The following CORO2A variants were observed in gnomAD, a reference collection of about 807,000 sequenced individuals.
The protein encoded by CORO2A is coronin 2A.
A neutral mutation model predicts 62.4 loss-of-function variants in CORO2A; 47 were observed. The observed-to-expected ratio is 0.75, with a 90% CI of 0.60 to 0.96. CORO2A has a LOEUF of 0.96. Ranked by LOEUF, CORO2A falls within the 40% of genes least tolerant of loss-of-function variation. The probability of loss-of-function intolerance (pLI) is 0.00; values close to 1 mark genes in which losing one functional copy is unlikely to be tolerated. For missense variants in CORO2A, 610 were observed against 684.1 expected (o/e 0.89, Z 1.21); for synonymous variants, 273 against 268.9 (o/e 1.02, Z -0.15).
At chr9:98,173,958 A>C (rs3758262) in intron 1 of CORO2A, among the ~76,000 whole-genome samples, 14,831 of 152,074 alleles carry the variant, frequency 0.098, 975 homozygotes, top group East Asian at 0.3. Context: ...CTTTACTAAA[A>C]ATACAAAATT....
At chr9:98,192,022 C>T (rs1237406239) in intron 1 of CORO2A, among the ~76,000 whole-genome samples, 5 of 152,238 alleles carry the variant, frequency 3.3e-5, no homozygotes, top group Non-Finnish European at 7.3e-5. Context: ...ACCCTCTTGG[C>T]GGGCCGGCTG....
At chr9:98,137,752 AC>A in intron 2 of CORO2A, 64 bp from the exon 3 acceptor site, 1 of 1,209,232 alleles carries the variant, frequency 8.3e-7, no homozygotes. Flanking sequence ...CTGGACAGTC[AC>A]ATAGTCAGTT....
chr9:98,155,964 C>T (rs1288975326), intron 2 of CORO2A, among the ~76,000 whole-genome samples: 2 of 151,762 alleles, frequency 1.3e-5, no homozygotes, highest in Non-Finnish European at 2.9e-5. Flanking sequence ...CTAATGTATC[C>T]TTATATTCTC....
intron 1 of CORO2A, among the ~76,000 whole-genome samples, chr9:98,187,670 C>T (rs74787267): frequency 0.078 from 11,891 of 151,996 alleles, 685 homozygotes; most frequent in Non-Finnish European, 0.12. Flanking sequence ...AACACTAATC[C>T]CATTATGAGG....
At chr9:98,144,289 T>C (rs1827612887) in intron 2 of CORO2A, among the ~76,000 whole-genome samples, 2 of 152,194 alleles carry the variant, frequency 1.3e-5, no homozygotes. Flanking sequence ...ATATTTGATT[T>C]ACCTCCCAAC....
chr9:98,126,226 G>T (rs1827316533), intron 11 of CORO2A, among the ~76,000 whole-genome samples: 1 of 151,504 alleles, frequency 6.6e-6, no homozygotes, highest in Non-Finnish European at 1.5e-5. Flanking sequence ...AGTAGAGATG[G>T]GGTTTCACTA....
chr9:98,131,186 T>C, intron 6 of CORO2A, 127 bp from the exon 7 acceptor site: 2 of 637,254 alleles, frequency 3.1e-6, no homozygotes, highest in South Asian at 1.9e-5. Flanking sequence ...AAAAGTGTGA[T>C]TTTTTTATAT....
intron 1 of CORO2A, among the ~76,000 whole-genome samples, chr9:98,171,993 A>G (rs1248313791): frequency 6.6e-6 from 1 of 151,656 alleles, no homozygotes; most frequent in Non-Finnish European, 1.5e-5. Context: ...GCTGGTATCG[A>G]AGGAAGAAAT....
Position 98,168,154 on chromosome 9 carries a change from C to G in CORO2A, c.1-10494G>C, listed in dbSNP as rs916034794. ...AGTGTAAAATCCAGCTCCTTAGTCA[C>G]ACTAGCAACATTTCAAGAGCTCAAA... is the stretch of plus-strand genomic sequence containing the variant. On this transcript the variant is annotated intron_variant, in intron 1 of 11. Coordinates refer to ENST00000375077, the MANE Select transcript of CORO2A (RefSeq NM_052820.4). Among the ~76,000 whole-genome samples the G allele has an allele frequency of 2.6e-5, 4 of 152,214 alleles. 1 individual carries two copies. The highest frequency in any genetic ancestry group is 9.7e-5 in the African/African-American group (4 of 41,436).
At position 98,168,863 on chromosome 9, in the gene CORO2A, AACAG is replaced by A. The variant is rs141122526; in HGVS notation, c.1-11207_1-11204del. Among the ~76,000 whole-genome samples the A allele has an allele frequency of 2.7e-3, 408 of 152,368 alleles. 11 individuals carry two copies. In the East Asian group the frequency reaches 0.062, roughly 23 times the overall value. On this transcript the variant is annotated intron_variant, in intron 1 of 11. Transcript: ENST00000375077. Reference sequence around the variant, plus strand: ...CTGGTGCAAACCATGATGATGGGGAAACAGACACACACATGCAGAAGGCTAGCTG... The same window carrying A: ...CTGGTGCAAACCATGATGATGGGGAAACACACACATGCAGAAGGCTAGCTG...
At chr9:98,176,250 A>G (rs1828107635) in intron 1 of CORO2A, among the ~76,000 whole-genome samples, 1 of 152,172 alleles carries the variant, frequency 6.6e-6, no homozygotes, top group Non-Finnish European at 1.5e-5. Flanking sequence ...TAAAGCTCTA[A>G]TTCTTCAGTT....
intron 10 of CORO2A, chr9:98,127,075 GC>G: frequency 1.8e-6 from 1 of 559,338 alleles, no homozygotes; most frequent in Non-Finnish European, 3.2e-6. Flanking sequence ...CACTGAAGCA[GC>G]CCCCAAACAC....
At chr9:98,172,214 C>T (rs1171767035) in intron 1 of CORO2A, among the ~76,000 whole-genome samples, 1 of 150,674 alleles carries the variant, frequency 6.6e-6, no homozygotes, top group East Asian at 2.0e-4. Context: ...AGCTCGGCAC[C>T]CCCACCCCAC....
intron 6 of CORO2A, 63 bp from the exon 7 acceptor site, chr9:98,131,122 C>G: frequency 8.9e-7 from 1 of 1,123,436 alleles, no homozygotes; most frequent in Non-Finnish European, 1.3e-6. Context: ...GTGGTGCTCC[C>G]GGAGATAAGA....
intron 1 of CORO2A, among the ~76,000 whole-genome samples, chr9:98,166,543 A>C (rs1827963427): frequency 6.6e-6 from 1 of 152,218 alleles, no homozygotes; most frequent in Admixed American, 6.5e-5. Context: ...GATTTGAAAC[A>C]ATCTGATTTA....
rs192595655 is a variant in CORO2A at position 98,150,472 on chromosome 9, C to T, written c.201+6988G>A. Among the ~76,000 whole-genome samples the T allele has an allele frequency of 7.9e-5, 12 of 152,322 alleles. No homozygotes were observed. In the East Asian group the frequency reaches 2.3e-3, roughly 29 times the overall value. ...TATTTGTTCTGCCAGCATACTCTCCCTTTAGAGCCTCAAGTGGCTCTCGGC... is the reference window on the plus strand; with the variant it reads ...TATTTGTTCTGCCAGCATACTCTCCTTTTAGAGCCTCAAGTGGCTCTCGGC... On this transcript the variant is annotated intron_variant, in intron 2 of 11. Coordinates refer to ENST00000375077, the MANE Select transcript of CORO2A (RefSeq NM_052820.4).
At chr9:98,179,858 C>T (rs1046412308) in intron 1 of CORO2A, among the ~76,000 whole-genome samples, 3 of 152,000 alleles carry the variant, frequency 2.0e-5, no homozygotes, top group African/African-American at 4.8e-5. Flanking sequence ...CAAAAATTAG[C>T]CAGGTGCGGT....
chr9:98,136,934 C>T (rs1203468862), intron 3 of CORO2A, among the ~76,000 whole-genome samples: 1 of 152,150 alleles, frequency 6.6e-6, no homozygotes, highest in African/African-American at 2.4e-5. Flanking sequence ...GTGATTCTCC[C>T]ACCTCAGTCT....
chr9:98,139,045 C>CAAA (rs60779052), intron 2 of CORO2A, among the ~76,000 whole-genome samples: 5 of 103,362 alleles, frequency 4.8e-5, no homozygotes, highest in African/African-American at 1.8e-4. Flanking sequence ...GATTCTGTCT[C>CAAA]AAAAAAAAAA....
Sources: allele counts gnomAD v4.1 joint callset (sites outside exome capture counted in the v4.1 genomes callset), GRCh38; gene constraint gnomAD v4.1.1; transcripts MANE v1.5; gene names NCBI Gene and HGNC (gene_info 2026-07-23, HGNC 2026-07-21).